SMC2: variants seen among roughly 807,000 people sequenced by gnomAD.
SMC2 encodes structural maintenance of chromosomes protein 2.
SMC2 carries 41 observed loss-of-function variants against 142.6 expected under a neutral mutation model. The ratio of observed to expected loss-of-function variants is 0.29; its 90% CI spans 0.22 to 0.37. The LOEUF is 0.37. Ranked by LOEUF, SMC2 falls within the 10% of genes least tolerant of loss-of-function variation. SMC2 has a pLI of 1.00. For synonymous variants in SMC2, 463 were observed against 457.5 expected (o/e 1.01, Z -0.15); for missense variants, 1,265 against 1,373.7 (o/e 0.92, Z 1.25).
chr9:104,122,006 T>G (rs1424905641), intron 16 of SMC2, among the ~76,000 whole-genome samples: 10 of 152,196 alleles, frequency 6.6e-5, no homozygotes, highest in African/African-American at 2.4e-4. Flanking sequence ...CTATCCTTTT[T>G]ACTTTCAAAC....
chr9:104,113,873 G>A lies in SMC2; in HGVS notation c.1415-91G>A, dbSNP rs540838419. The A allele has an allele frequency of 8.1e-6, 6 of 740,010 alleles. No homozygotes were observed. The East Asian group carries it at 1.1e-4, about 14-fold the overall frequency. The allele number at this position is 740,010 out of a possible 1,614,324, so 45.8% of individuals were successfully genotyped here. On this transcript the variant is annotated intron_variant, in intron 11 of 24. Coordinates refer to ENST00000374793, the MANE Select transcript of SMC2 (RefSeq NM_006444.3). ...TTACAGAAATTTGTATTTTTTGCATGCTTTGGAAATAGTGGTTGCTAATAT... is the reference window on the plus strand; with the variant it reads ...TTACAGAAATTTGTATTTTTTGCATACTTTGGAAATAGTGGTTGCTAATAT...
rs145712307 is a variant in SMC2 at position 104,118,138 on chromosome 9, A to T, written c.1792-33A>T. On this transcript the variant is annotated intron_variant, in intron 14 of 24. Coordinates refer to ENST00000374793, the MANE Select transcript of SMC2 (RefSeq NM_006444.3). Reference sequence around the variant, plus strand: ...CATATCTGAAAGGAAAAGTAGTAGTATGTACTGTGGCATATCTGTTGTTGT... The same window carrying T: ...CATATCTGAAAGGAAAAGTAGTAGTTTGTACTGTGGCATATCTGTTGTTGT... The T allele has an allele frequency of 3.9e-4, 602 of 1,559,354 alleles. 2 individuals carry two copies. In the South Asian group the frequency reaches 5.3e-3, roughly 14 times the overall value.
chr9:104,120,076 A>G lies in SMC2; in HGVS notation c.2046A>G (p.Lys682=), dbSNP rs1199258780. The stretch of plus-strand genomic sequence containing the variant: ...TTTTAACCAAGTTTCAAGAACTCAA[A>G]GATGTTCAGGATGAACTGAGAATCA... ...ASILTKFQEL[K]DVQDELRIKE... Residue 682 remains lysine, a synonymous_variant, in exon 16 of 25, where the codon AAA becomes AAG. Transcript: ENST00000374793. The G allele has an allele frequency of 1.2e-6, 2 of 1,613,924 alleles. No individual in the cohort carries two copies. Among genetic ancestry groups the G allele is most frequent in the African/African-American group, 1.3e-5 (1 of 74,906 alleles).
intron 9 of SMC2, among the ~76,000 whole-genome samples, chr9:104,104,294 C>T (rs182967978): frequency 6.6e-6 from 1 of 152,182 alleles, no homozygotes; most frequent in Non-Finnish European, 1.5e-5. Flanking sequence ...TCATACACAA[C>T]ATTTTATGTG....
intron 9 of SMC2, among the ~76,000 whole-genome samples, chr9:104,110,737 A>G (rs1451207195): frequency 1.3e-5 from 2 of 152,176 alleles, no homozygotes; most frequent in African/African-American, 4.8e-5. Context: ...AGGGCTTTCA[A>G]GTATACTGCC....
chr9:104,112,586 A>C (rs899992359), intron 10 of SMC2, among the ~76,000 whole-genome samples: 1 of 152,128 alleles, frequency 6.6e-6, no homozygotes, highest in Non-Finnish European at 1.5e-5. Flanking sequence ...GATAGTCACA[A>C]ATTTATAAGA....
At position 104,120,177 on chromosome 9, in the gene SMC2, T is replaced by G. The variant is rs187109827; in HGVS notation, c.2132+15T>G. On this transcript the variant is annotated intron_variant, in intron 16 of 24. Transcript: ENST00000374793. ...ACTGCTGAAAAGTAAGAACTGCATATACTTTTTTTAATTAAAGATTTGCAT... is the reference window on the plus strand; with the variant it reads ...ACTGCTGAAAAGTAAGAACTGCATAGACTTTTTTTAATTAAAGATTTGCAT... 1.5e-4 allele frequency: 237 copies of G among 1,567,306 alleles called. 1 individual carries two copies. In the East Asian group the frequency reaches 4.3e-3, roughly 28 times the overall value.
At chr9:104,106,802 G>A (rs1426248612) in intron 9 of SMC2, among the ~76,000 whole-genome samples, 2 of 152,160 alleles carry the variant, frequency 1.3e-5, no homozygotes, top group African/African-American at 4.8e-5. Flanking sequence ...GCAAGATATG[G>A]TGATGGGGTG....
At chr9:104,112,729 A>G (rs1832619503) in intron 10 of SMC2, among the ~76,000 whole-genome samples, 1 of 152,182 alleles carries the variant, frequency 6.6e-6, no homozygotes, top group Non-Finnish European at 1.5e-5. Flanking sequence ...TAGGTTTTAG[A>G]ATACTAGTTC....
At chr9:104,115,837 C>T (rs914710883) in intron 13 of SMC2, among the ~76,000 whole-genome samples, 20 of 152,176 alleles carry the variant, frequency 1.3e-4, no homozygotes, top group African/African-American at 4.8e-4. Context: ...TACCCTTTGA[C>T]CTATGACCTA....
chr9:104,118,087 C>T (rs1487150560), intron 14 of SMC2, 84 bp from the exon 15 acceptor site: 3 of 975,232 alleles, frequency 3.1e-6, no homozygotes, highest in Non-Finnish European at 4.6e-6. Context: ...GTTTCTATTA[C>T]AGCAGTTTTT....
At chr9:104,136,220 T>C (rs1390684333) in intron 23 of SMC2, among the ~76,000 whole-genome samples, 1 of 152,216 alleles carries the variant, frequency 6.6e-6, no homozygotes, top group South Asian at 2.1e-4. Context: ...TATTGTTCTC[T>C]GTCCTGTAAT....
chr9:104,100,024 A>G (rs934191276), intron 5 of SMC2, 69 bp from the exon 6 acceptor site: 3 of 894,136 alleles, frequency 3.4e-6, no homozygotes, highest in East Asian at 2.6e-5. Flanking sequence ...CAAAAATGAT[A>G]TATTTAATGT....
chr9:104,128,500 A>G (rs1048590188), intron 20 of SMC2, among the ~76,000 whole-genome samples: 8 of 152,212 alleles, frequency 5.3e-5, no homozygotes, highest in African/African-American at 1.9e-4. Context: ...ATTTATACAT[A>G]CCTACCAGTA....
chr9:104,100,403 G>C lies in SMC2; in HGVS notation c.606G>C (p.Glu202Asp). Residue 202 changes from glutamate (E) to aspartate (D), a missense_variant, in exon 7 of 25, where the codon GAG becomes GAC. By Grantham distance (45) the Glu-to-Asp change is conservative (BLOSUM62 2). Transcript: ENST00000374793. ...TTATTTTCCAGATACTTGAAGAAGA[G>C]ATTACTCCAACCATTCAAAAATTAA... ...LKEIKTILEE[E>D]ITPTIQKLKE... The C allele has an allele frequency of 6.6e-7, 1 of 1,518,038 alleles. No homozygotes were observed. Among genetic ancestry groups the C allele is most frequent in the Non-Finnish European group, 9.1e-7 (1 of 1,097,156 alleles). 94.0% of individuals were successfully genotyped at this position (1,518,038 alleles called of 1,614,324 possible).
chr9:104,095,696 A>G, intron 2 of SMC2, 144 bp downstream of exon 2: 1 of 650,032 alleles, frequency 1.5e-6, no homozygotes, highest in Non-Finnish European at 2.7e-6. Context: ...TAAGGAAAGT[A>G]ATATTACTCC....
intron 21 of SMC2, among the ~76,000 whole-genome samples, chr9:104,130,913 CT>C (rs933027277): frequency 9.9e-5 from 15 of 150,908 alleles, no homozygotes; most frequent in Admixed American, 7.3e-4. Flanking sequence ...AGCAGATGGC[CT>C]TTTTTTTTCT....
chr9:104,096,925 C>G (rs1292528231), intron 3 of SMC2, among the ~76,000 whole-genome samples: 1 of 152,114 alleles, frequency 6.6e-6, no homozygotes. Context: ...TTAATGGCAC[C>G]TTAGATTGGG....
intron 16 of SMC2, among the ~76,000 whole-genome samples, chr9:104,121,209 T>C (rs1564100205): frequency 6.6e-6 from 1 of 152,148 alleles, no homozygotes; most frequent in African/African-American, 2.4e-5. Context: ...GTTTGAAAGT[T>C]TGGCCAGGCC....
Sources: allele counts gnomAD v4.1 joint callset (sites outside exome capture counted in the v4.1 genomes callset), GRCh38; gene constraint gnomAD v4.1.1; transcripts MANE v1.5; gene names NCBI Gene and HGNC (gene_info 2026-07-23, HGNC 2026-07-21).